The following PARD6G variants were observed in gnomAD, a reference collection of about 807,000 sequenced individuals.
PARD6G encodes par-6 family cell polarity regulator gamma, also known as partitioning defective 6 homolog gamma.
PARD6G carries 7 observed loss-of-function variants against 10.7 expected under a neutral mutation model. The observed-to-expected ratio is 0.66, with a 90% CI of 0.37 to 1.23. The LOEUF (loss-of-function observed/expected upper bound fraction) is 1.23. Ranked by LOEUF, PARD6G falls within the 50% of genes most tolerant of loss-of-function variation. The pLI, the probability that PARD6G is intolerant of heterozygous loss-of-function variation, is 0.02. For synonymous variants in PARD6G, 287 were observed against 269.4 expected (o/e 1.07, Z -0.64); for missense variants, 548 against 571.8 (o/e 0.96, Z 0.42).
In PARD6G at chr18:80,246,143, G is replaced by A. The variant is rs538057894; in HGVS notation, c.72+1134C>T. Among the ~76,000 whole-genome samples the A allele has an allele frequency of 6.6e-5, 10 of 152,214 alleles. No homozygotes were observed. The South Asian group carries it at 8.3e-4, about 13-fold the overall frequency. Reference sequence around the variant, plus strand: ...GCCCAAGATAGGCACACAGTTAGGGGTGCGGGCTCCCACTCCGCCGTTAGG... The same window carrying A: ...GCCCAAGATAGGCACACAGTTAGGGATGCGGGCTCCCACTCCGCCGTTAGG... On this transcript the variant is annotated intron_variant, in intron 1 of 2. Coordinates refer to ENST00000353265, the MANE Select transcript of PARD6G (RefSeq NM_032510.4). This position sits in a 1 kb window ranked among gnomAD's most constrained non-coding sequence, Gnocchi z 6.7.
chr18:80,242,386 C>A (rs1599880550), intron 1 of PARD6G, among the ~76,000 whole-genome samples: 1 of 152,362 alleles, frequency 6.6e-6, no homozygotes, highest in South Asian at 2.1e-4. Context: ...CAGCTCCATC[C>A]CACCGGCTGT....
rs533100651 is a variant in PARD6G at position 80,217,014 on chromosome 18, A to C, written c.73-14082T>G. On this transcript the variant is annotated intron_variant, in intron 1 of 2. Transcript: ENST00000353265. ...CATGCAAGGAACCAAGACTCCTTGG[A>C]GAAATGACTGATTGAAGGGCTGGTA... is the stretch of plus-strand genomic sequence containing the variant. Among the ~76,000 whole-genome samples the C allele has an allele frequency of 1.1e-4, 17 of 152,328 alleles. No homozygotes were observed. In the East Asian group the frequency reaches 3.3e-3, roughly 29 times the overall value.
At chr18:80,224,872 A>G (rs1338111035) in intron 1 of PARD6G, among the ~76,000 whole-genome samples, 2 of 152,112 alleles carry the variant, frequency 1.3e-5, no homozygotes, top group African/African-American at 4.8e-5. Flanking sequence ...TGACAGTCCA[A>G]GCCCCTGCAC....
chr18:80,160,180 T>C lies in PARD6G; in HGVS notation c.722A>G (p.His241Arg). ...QVTDMMIANS[H>R]NLIVTVKPAN... ...GGGCTTGACGGTGACGATGAGGTTG[T>C]GGCTGTTGGCGATCATCATGTCCGT... is the stretch of plus-strand genomic sequence containing the variant. The change falls in exon 3 of 3, where the codon CAC (histidine) becomes CGC (arginine). Residue 241 changes from histidine (H) to arginine (R), a missense_variant. Coordinates refer to ENST00000353265, the MANE Select transcript of PARD6G (RefSeq NM_032510.4). 6.2e-7 allele frequency: 1 copy of C among 1,613,340 alleles called. No homozygotes were observed. Among genetic ancestry groups the C allele is most frequent in the Non-Finnish European group, 8.5e-7 (1 of 1,179,806 alleles).
At chr18:80,235,016 A>C (rs1231785174) in intron 1 of PARD6G, among the ~76,000 whole-genome samples, 2 of 152,018 alleles carry the variant, frequency 1.3e-5, no homozygotes, top group Non-Finnish European at 2.9e-5. Flanking sequence ...ACCTAATAGA[A>C]ATCTACAGAA....
chr18:80,159,573 A>G lies in PARD6G; in HGVS notation c.*198T>C. 1.2e-6 allele frequency: 1 copy of G among 834,668 alleles called. No homozygotes were observed. Among genetic ancestry groups the G allele is most frequent in the Admixed American group, 4.3e-5 (1 of 23,094 alleles). 51.7% of individuals were successfully genotyped at this position (834,668 alleles called of 1,614,324 possible). A position where few individuals can be genotyped will look rare whatever the true frequency, so the allele number is the denominator to read the frequency against. On this transcript the variant is annotated 3_prime_UTR_variant, in exon 3 of 3. Transcript: ENST00000353265. Reference sequence around the variant, plus strand: ...CAGGCCTGGTATAGAGTGTCTCTACAGGCGTTCATTTTAAGTTCTGTGGCG... The same window carrying G: ...CAGGCCTGGTATAGAGTGTCTCTACGGGCGTTCATTTTAAGTTCTGTGGCG...
At chr18:80,227,071 G>A (rs893001919) in intron 1 of PARD6G, among the ~76,000 whole-genome samples, 4 of 152,038 alleles carry the variant, frequency 2.6e-5, no homozygotes, top group South Asian at 2.1e-4. Context: ...TCCTCCCACC[G>A]CAGCCTCTCC....
chr18:80,240,778 C>G (rs1967480941), intron 1 of PARD6G, among the ~76,000 whole-genome samples: 1 of 152,152 alleles, frequency 6.6e-6, no homozygotes, highest in South Asian at 2.1e-4. Context: ...CCGGAAACCT[C>G]CGATTTCAAG....
chr18:80,223,274 A>G (rs1395412111), intron 1 of PARD6G, among the ~76,000 whole-genome samples: 1 of 152,238 alleles, frequency 6.6e-6, no homozygotes, highest in Non-Finnish European at 1.5e-5. Context: ...ACTGGACTTC[A>G]TTAAACTTAA....
rs925374727 is a variant in PARD6G, at chr18:80,161,438, T to C, written c.296-832A>G. Among the ~76,000 whole-genome samples, 1 of 152,118 alleles carries C rather than the reference T, an allele frequency of 6.6e-6. No individual in the cohort carries two copies. The highest frequency in any genetic ancestry group is 2.4e-5 in the African/African-American group (1 of 41,412). On this transcript the variant is annotated intron_variant, in intron 2 of 2. Transcript: ENST00000353265. This position sits in a 1 kb window ranked among gnomAD's most constrained non-coding sequence, Gnocchi z 4.6. Reference sequence around the variant, plus strand: ...AAACTTTACCCTAAAGTTGGGCTACTGCAAAATAAAATGAAAGTCCACTGA... The same window carrying C: ...AAACTTTACCCTAAAGTTGGGCTACCGCAAAATAAAATGAAAGTCCACTGA...
Position 80,192,146 on chromosome 18 carries a change from G to T in PARD6G, c.295+10564C>A, listed in dbSNP as rs1470289524. ...ACTAAAAACCCTAGAAGGTGTTGGG[G>T]TCACAAGACCAGACTGCGCATTCTC... On this transcript the variant is annotated intron_variant, in intron 2 of 2. Transcript: ENST00000353265. The surrounding 1 kb of genome is among the most constrained non-coding windows in gnomAD (Gnocchi z 4.9). Among the ~76,000 whole-genome samples the T allele has an allele frequency of 6.6e-6, 1 of 152,216 alleles. No homozygotes were observed. The highest frequency in any genetic ancestry group is 1.5e-5 in the Non-Finnish European group (1 of 68,038).
chr18:80,229,113 T>C (rs147529802), intron 1 of PARD6G, among the ~76,000 whole-genome samples: 145 of 152,206 alleles, frequency 9.5e-4, no homozygotes, highest in African/African-American at 3.2e-3. Context: ...TAATTTTTTG[T>C]ATTTTTAGTA....
chr18:80,246,860 C>T lies in PARD6G; in HGVS notation c.72+417G>A, dbSNP rs2145312311. On this transcript the variant is annotated intron_variant, in intron 1 of 2. Coordinates refer to ENST00000353265, the MANE Select transcript of PARD6G (RefSeq NM_032510.4). This position sits in a 1 kb window ranked among gnomAD's most constrained non-coding sequence, Gnocchi z 6.7. ...GCCTTGAAGGCGCCTTGGCCAGGGC[C>T]ATCCCACGGCCCGGGCCCCCAGAGC... Among the ~76,000 whole-genome samples, 1 of 152,188 alleles carries T rather than the reference C, an allele frequency of 6.6e-6. No individual in the cohort carries two copies. The highest frequency in any genetic ancestry group is 3.4e-3 in the Middle Eastern group (1 of 294).
At chr18:80,238,215 A>G (rs955802686) in intron 1 of PARD6G, among the ~76,000 whole-genome samples, 2 of 152,210 alleles carry the variant, frequency 1.3e-5, no homozygotes, top group Non-Finnish European at 2.9e-5. Context: ...GCTGGAAACC[A>G]TCAGTGTCAG....
At chr18:80,169,622 C>T (rs1008988382) in intron 2 of PARD6G, 1 of 152,312 alleles carries the variant, frequency 6.6e-6, no homozygotes, top group African/African-American at 2.4e-5. Flanking sequence ...CACAGTGTTC[C>T]TTGTTCTCAA....
Position 80,246,473 on chromosome 18 carries a change from C to A in PARD6G, c.72+804G>T, listed in dbSNP as rs1438619094. Among the ~76,000 whole-genome samples, 1 of 152,128 alleles carries A rather than the reference C, an allele frequency of 6.6e-6. No individual in the cohort carries two copies. ...CCCGGGCGCAGGCAGCGGGAGGGGC[C>A]GGGCACGCCCGTGGGGGTGGTCTGG... On this transcript the variant is annotated intron_variant, in intron 1 of 2. Transcript: ENST00000353265. This position sits in a 1 kb window ranked among gnomAD's most constrained non-coding sequence, Gnocchi z 6.7.
chr18:80,171,000 T>C (rs1341286300), intron 2 of PARD6G: 1 of 152,168 alleles, frequency 6.6e-6, no homozygotes, highest in African/African-American at 2.4e-5. Flanking sequence ...TAAATTTTCA[T>C]TGGAAGTATT....
chr18:80,195,574 C>T (rs112403929), intron 2 of PARD6G, among the ~76,000 whole-genome samples: 2,346 of 19,124 alleles, frequency 0.12, 87 homozygotes, highest in African/African-American at 0.33. Context: ...TATATATATA[C>T]ACACATTTTT....
At chr18:80,244,998 C>T (rs1037867616) in intron 1 of PARD6G, among the ~76,000 whole-genome samples, 3 of 152,152 alleles carry the variant, frequency 2.0e-5, no homozygotes, top group African/African-American at 7.2e-5. Context: ...GTCAGTGTGG[C>T]CCTTCCAAGG....
Sources: allele counts gnomAD v4.1 joint callset (sites outside exome capture counted in the v4.1 genomes callset), GRCh38; gene constraint gnomAD v4.1.1; non-coding constraint Gnocchi (gnomAD v3.1); transcripts MANE v1.5; gene names NCBI Gene and HGNC (gene_info 2026-07-23, HGNC 2026-07-21).